Variants in CHODL observed in about 807,000 individuals in gnomAD.
The protein encoded by CHODL is transmembrane protein MT75.
In CHODL, 29 loss-of-function variants were observed where a neutral mutation model predicts 34.5. The observed-to-expected ratio is 0.84, with a 90% CI of 0.63 to 1.15. The LOEUF (loss-of-function observed/expected upper bound fraction) is 1.15. Ranked by LOEUF, CHODL falls within the 50% of genes most tolerant of loss-of-function variation. The pLI, the probability that CHODL is intolerant of heterozygous loss-of-function variation, is 0.00. For missense variants in CHODL, 332 were observed against 332.5 expected, an observed-to-expected ratio of 1.00 and a Z score of 0.01; for synonymous variants, 125 against 116.1, an observed-to-expected ratio of 1.08 and a Z score of -0.49.
At chr21:18,080,164 C>A (rs1453142814) in intron 2 of CHODL, among the ~76,000 whole-genome samples, 2 of 152,002 alleles carry the variant, frequency 1.3e-5, no homozygotes, top group Non-Finnish European at 2.9e-5. Context: ...GTTCTTTGCT[C>A]CCTTTTTAAT....
At position 18,250,502 on chromosome 21, in the gene CHODL, C is replaced by A. The variant is rs939261223; in HGVS notation, c.79+5200C>A. 2.0e-5 allele frequency among the ~76,000 whole-genome samples: 3 copies of A among 151,744 alleles called. No homozygotes were observed. The South Asian group carries it at 6.2e-4, about 32-fold the overall frequency. Reference sequence around the variant, plus strand: ...ATTAATGTAAGAAAATAGACTCCAGCTATAGTGCACTATGCAATTAAGTAC... The same window carrying A: ...ATTAATGTAAGAAAATAGACTCCAGATATAGTGCACTATGCAATTAAGTAC... On this transcript the variant is annotated intron_variant, in intron 1 of 5. Transcript: ENST00000299295.
intron 1 of CHODL, among the ~76,000 whole-genome samples, chr21:17,973,555 T>A (rs1047812968): frequency 4.0e-5 from 6 of 151,500 alleles, no homozygotes; most frequent in Non-Finnish European, 7.4e-5. Context: ...TAGCTGGGAC[T>A]ACAGGCGCCC....
At chr21:18,205,737 CTT>C (rs56091373) in intron 2 of CHODL, among the ~76,000 whole-genome samples, 142 of 127,138 alleles carry the variant, frequency 1.1e-3, no homozygotes, top group Middle Eastern at 8.2e-3. Flanking sequence ...AAGGAGTATA[CTT>C]TTTTTTTTTT....
At chr21:18,156,696 G>A (rs185083600) in intron 2 of CHODL, among the ~76,000 whole-genome samples, 25 of 152,208 alleles carry the variant, frequency 1.6e-4, no homozygotes, top group Admixed American at 8.5e-4. Flanking sequence ...CTTCCACGAC[G>A]ATTGCCATGA....
chr21:18,127,520 A>T (rs1389836748), intron 2 of CHODL, among the ~76,000 whole-genome samples: 1 of 152,110 alleles, frequency 6.6e-6, no homozygotes, highest in African/African-American at 2.4e-5. Flanking sequence ...CACAGTGATC[A>T]AAGATGGGGC....
chr21:18,145,066 T>G (rs1444403115), intron 2 of CHODL, among the ~76,000 whole-genome samples: 1 of 148,900 alleles, frequency 6.7e-6, no homozygotes, highest in Admixed American at 6.8e-5. Flanking sequence ...TGCTTTTATT[T>G]ACTACAAATA....
chr21:18,262,934 A>G, intron 5 of CHODL, 41 bp downstream of exon 5: 2 of 1,106,518 alleles, frequency 1.8e-6, no homozygotes, highest in Non-Finnish European at 2.7e-6. Context: ...GAAAAACTTT[A>G]AATAGGTTTT....
intron 1 of CHODL, among the ~76,000 whole-genome samples, chr21:17,977,649 C>G (rs574997248): frequency 1.4e-5 from 2 of 146,868 alleles, no homozygotes; most frequent in Non-Finnish European, 3.0e-5. Flanking sequence ...TGTGAATCAC[C>G]GTGCCAGGCC....
chr21:17,976,276 A>T, intron 1 of CHODL, among the ~76,000 whole-genome samples: 1 of 95,360 alleles, frequency 1.0e-5, no homozygotes, highest in African/African-American at 6.0e-5. Context: ...CTCAGAAAAA[A>T]AAAAAAAAAA....
intron 2 of CHODL, among the ~76,000 whole-genome samples, chr21:18,217,555 G>A (rs761506313): frequency 1.3e-5 from 2 of 151,682 alleles, no homozygotes; most frequent in African/African-American, 2.4e-5. Flanking sequence ...TAGGAACTAC[G>A]ATTCAAGATG....
At chr21:17,978,172 C>T (rs943573402) in intron 1 of CHODL, among the ~76,000 whole-genome samples, 10 of 151,924 alleles carry the variant, frequency 6.6e-5, no homozygotes, top group Admixed American at 2.0e-4. Context: ...GCCTGTGATC[C>T]CAGCACTTTG....
In CHODL at chr21:18,150,483, A is replaced by G. The variant is rs2072950095; in HGVS notation, c.-44-106026A>G. ...GTACAGTTCCGGAGGCCGGTATCCCAAGATCACAATGCCATCACGATTGGG... is the reference window on the plus strand; with the variant it reads ...GTACAGTTCCGGAGGCCGGTATCCCGAGATCACAATGCCATCACGATTGGG... On this transcript the variant is annotated intron_variant, in intron 2 of 6. Transcript: ENST00000400127. 2.0e-5 allele frequency among the ~76,000 whole-genome samples: 3 copies of G among 152,114 alleles called. No individual in the cohort carries two copies. The South Asian group carries it at 6.2e-4, about 32-fold the overall frequency.
At chr21:18,181,948 T>A (rs1568926373) in intron 2 of CHODL, among the ~76,000 whole-genome samples, 1 of 152,208 alleles carries the variant, frequency 6.6e-6, no homozygotes, top group African/African-American at 2.4e-5. Context: ...ATATATCACA[T>A]TTTTTAATCC....
Position 17,954,954 on chromosome 21 carries a change from C to A in CHODL, c.-145+37554C>A, listed in dbSNP as rs963858745. Among the ~76,000 whole-genome samples the A allele has an allele frequency of 7.0e-5, 9 of 129,462 alleles. 1 individual carries two copies. The highest frequency in any genetic ancestry group is 2.3e-4 in the Admixed American group (3 of 12,814). The allele number at this position is 129,462 out of a possible 152,430, so 84.9% of individuals were successfully genotyped here. Reference sequence around the variant, plus strand: ...ATAATTTTTAAAAAATATTTATAATCTGGGTCTGTTTAGGCTACTGTCATA... The same window carrying A: ...ATAATTTTTAAAAAATATTTATAATATGGGTCTGTTTAGGCTACTGTCATA... On this transcript the variant is annotated intron_variant, in intron 1 of 6. Transcript: ENST00000400127.
intron 2 of CHODL, among the ~76,000 whole-genome samples, chr21:18,106,469 ATCTT>A (rs2065273178): frequency 6.6e-6 from 1 of 150,590 alleles, no homozygotes. Context: ...TTGTTACTAG[ATCTT>A]TCTTTTTTCT....
intron 2 of CHODL, among the ~76,000 whole-genome samples, chr21:18,055,031 C>T (rs1200119431): frequency 1.3e-5 from 2 of 151,926 alleles, no homozygotes; most frequent in African/African-American, 4.8e-5. Context: ...TTTAAATTTA[C>T]TTTCTTCTCT....
intron 4 of CHODL, among the ~76,000 whole-genome samples, chr21:18,260,820 A>AAACAACAAC (rs558969072): frequency 1.5e-5 from 2 of 136,488 alleles, no homozygotes; most frequent in Non-Finnish European, 3.0e-5. Context: ...TCAAAAAAGC[A>AAACAACAAC]AACAACAACA....
intron 1 of CHODL, among the ~76,000 whole-genome samples, chr21:18,022,920 C>G (rs370476132): frequency 6.6e-6 from 1 of 152,206 alleles, no homozygotes; most frequent in Non-Finnish European, 1.5e-5. Context: ...AACTTTAATG[C>G]TTTCTCCACT....
chr21:18,188,371 A>G (rs9647200), intron 2 of CHODL, among the ~76,000 whole-genome samples: 11,225 of 152,252 alleles, frequency 0.074, 525 homozygotes, highest in East Asian at 0.24. Context: ...ATATTTCTAC[A>G]TGGATGTTCA....
Sources: allele counts gnomAD v4.1 joint callset (sites outside exome capture counted in the v4.1 genomes callset), GRCh38; gene constraint gnomAD v4.1.1; transcripts MANE v1.5; gene names NCBI Gene and HGNC (gene_info 2026-07-23, HGNC 2026-07-21).